The following TRIM33 variants were observed in gnomAD, a reference collection of about 807,000 sequenced individuals.
TRIM33 encodes the protein E3 ubiquitin-protein ligase TRIM33.
In TRIM33, 20 loss-of-function variants were observed where a neutral mutation model predicts 125.4. The observed-to-expected ratio is 0.16, with a 90% CI of 0.11 to 0.23. The LOEUF (loss-of-function observed/expected upper bound fraction) is 0.23. TRIM33 is among the 10% of genes least tolerant of loss of function. The pLI is 1.00. For synonymous variants in TRIM33, 564 were observed against 513.9 expected, an observed-to-expected ratio of 1.10 and a Z score of -1.32; for missense variants, 920 against 1,411.4, an observed-to-expected ratio of 0.65 and a Z score of 5.58.
At chr1:114,430,500 C>T (rs1306597429) in intron 6 of TRIM33, among the ~76,000 whole-genome samples, 2 of 152,034 alleles carry the variant, frequency 1.3e-5, no homozygotes, top group African/African-American at 2.4e-5. Context: ...CCTTGGGCTC[C>T]CAAAGTGTTG....
intron 8 of TRIM33, among the ~76,000 whole-genome samples, chr1:114,426,140 G>A (rs995681850): frequency 3.9e-5 from 6 of 152,154 alleles, no homozygotes; most frequent in Non-Finnish European, 8.8e-5. Context: ...GCATTACAAT[G>A]TCACAAAATC....
chr1:114,406,804 A>G (rs1416561787), intron 14 of TRIM33, 137 bp downstream of exon 14: 6 of 778,538 alleles, frequency 7.7e-6, no homozygotes, highest in Middle Eastern at 2.5e-4. Flanking sequence ...AGAAAAAGAG[A>G]TATCTGGCTT....
At chr1:114,420,487 T>C (rs2101139724) in intron 11 of TRIM33, 1 of 1,122,134 alleles carries the variant, frequency 8.9e-7, no homozygotes, top group Non-Finnish European at 1.2e-6. Flanking sequence ...ACTAGCCTTT[T>C]AGCAAAAGTG....
chr1:114,433,775 T>G, intron 4 of TRIM33, 42 bp from the exon 5 acceptor site: 1 of 1,250,176 alleles, frequency 8.0e-7, no homozygotes, highest in East Asian at 2.3e-5. Context: ...AAAACATTTA[T>G]GATTAAGATT....
Position 114,511,012 on chromosome 1 carries a change from AC to A in TRIM33, c.64del (p.Val22Ter). The A allele has an allele frequency of 7.5e-7, 1 of 1,325,154 alleles. No homozygotes were observed. The highest frequency in any genetic ancestry group is 9.6e-7 in the Non-Finnish European group (1 of 1,038,994). 82.1% of individuals were successfully genotyped at this position (1,325,154 alleles called of 1,614,324 possible). On this transcript the variant is annotated frameshift_variant, in exon 1 of 20. Transcript: ENST00000358465. LOFTEE classifies it high-confidence loss of function. Reference protein sequence around the residue: ...SGGGGSGSAPVTAGAAGPAAQ... With the variant: ...SGGGGSGSAPXTAGAAGPAAQ... The stretch of plus-strand genomic sequence containing the variant: ...GGCGGGCCCGGCGGCCCCGGCAGTT[AC>A]CGGCGCGCTGCCGCTGCCCCCGCCG...
At chr1:114,434,734 G>A (rs1648172357) in intron 4 of TRIM33, among the ~76,000 whole-genome samples, 1 of 152,006 alleles carries the variant, frequency 6.6e-6, no homozygotes. Flanking sequence ...CTAACAAATA[G>A]TCACAAATAC....
intron 4 of TRIM33, among the ~76,000 whole-genome samples, chr1:114,440,645 A>G (rs1648594903): frequency 6.6e-6 from 1 of 152,214 alleles, no homozygotes; most frequent in South Asian, 2.1e-4. Flanking sequence ...CTGATTTAAA[A>G]TATTTAAATT....
At chr1:114,507,014 T>C (rs1419889130) in intron 1 of TRIM33, among the ~76,000 whole-genome samples, 1 of 152,242 alleles carries the variant, frequency 6.6e-6, no homozygotes, top group Non-Finnish European at 1.5e-5. Flanking sequence ...ACAAAACTTA[T>C]TTATTGAACA....
At chr1:114,479,896 G>A (rs113511534) in intron 1 of TRIM33, among the ~76,000 whole-genome samples, 21,652 of 132,386 alleles carry the variant, frequency 0.16, 1,834 homozygotes, top group Non-Finnish European at 0.21. Flanking sequence ...CGCCCCATCC[G>A]GAAGGTGGGG....
intron 1 of TRIM33, among the ~76,000 whole-genome samples, chr1:114,489,212 C>T (rs891973102): frequency 1.3e-5 from 2 of 152,290 alleles, no homozygotes; most frequent in East Asian, 1.9e-4. Context: ...CTAAATGATA[C>T]AGGGACAATG....
chr1:114,447,667 A>T (rs1174435900), intron 4 of TRIM33, among the ~76,000 whole-genome samples: 1 of 152,258 alleles, frequency 6.6e-6, no homozygotes, highest in Non-Finnish European at 1.5e-5. Flanking sequence ...TCGTACATCC[A>T]ACCTAGAAGA....
intron 1 of TRIM33, among the ~76,000 whole-genome samples, chr1:114,466,152 T>C (rs1650285309): frequency 6.6e-6 from 1 of 151,372 alleles, no homozygotes; most frequent in Admixed American, 6.6e-5. Context: ...AAAGGAAAAA[T>C]ATTTTCACAT....
At chr1:114,436,316 T>G (rs1648293174) in intron 4 of TRIM33, among the ~76,000 whole-genome samples, 1 of 147,034 alleles carries the variant, frequency 6.8e-6, no homozygotes, top group Non-Finnish European at 1.5e-5. Context: ...GCAGGGGAAT[T>G]GCTTGAACTG....
intron 4 of TRIM33, among the ~76,000 whole-genome samples, chr1:114,457,066 G>A (rs910157282): frequency 2.6e-5 from 4 of 152,162 alleles, no homozygotes; most frequent in African/African-American, 9.7e-5. Flanking sequence ...TCCGTGTTTT[G>A]AAGGACACAT....
At chr1:114,490,365 T>C (rs1418332642) in intron 1 of TRIM33, among the ~76,000 whole-genome samples, 2 of 152,058 alleles carry the variant, frequency 1.3e-5, no homozygotes, top group Non-Finnish European at 2.9e-5. Flanking sequence ...CCCACCAGGA[T>C]AGCTACAATA....
At chr1:114,471,250 C>T (rs1357233413) in intron 1 of TRIM33, among the ~76,000 whole-genome samples, 1 of 152,132 alleles carries the variant, frequency 6.6e-6, no homozygotes, top group African/African-American at 2.4e-5. Flanking sequence ...AGATCAAGAC[C>T]ATCCTGGCCA....
At chr1:114,418,547 T>G (rs1488729168) in intron 11 of TRIM33, among the ~76,000 whole-genome samples, 1 of 152,118 alleles carries the variant, frequency 6.6e-6, no homozygotes, top group Non-Finnish European at 1.5e-5. Context: ...TTTGTAAAGT[T>G]AAAAAGAGAC....
intron 11 of TRIM33, among the ~76,000 whole-genome samples, chr1:114,413,440 C>A (rs1178455768): frequency 1.3e-5 from 2 of 151,296 alleles, no homozygotes; most frequent in African/African-American, 4.9e-5. Context: ...TGCCTGTAAT[C>A]CCAGCTACTC....
intron 1 of TRIM33, among the ~76,000 whole-genome samples, chr1:114,492,647 C>A (rs1652140060): frequency 6.6e-6 from 1 of 152,178 alleles, no homozygotes; most frequent in African/African-American, 2.4e-5. Flanking sequence ...TGTGCCTATT[C>A]TGGACATTTC....
Sources: allele counts gnomAD v4.1 joint callset (sites outside exome capture counted in the v4.1 genomes callset), GRCh38; gene constraint gnomAD v4.1.1; transcripts MANE v1.5; gene names NCBI Gene and HGNC (gene_info 2026-07-23, HGNC 2026-07-21).